Variants in CFAP299 observed in about 807,000 individuals in gnomAD.
CFAP299 encodes the protein cilia- and flagella-associated protein 299.
CFAP299 carries 21 observed loss-of-function variants against 27.0 expected under a neutral mutation model. The observed-to-expected ratio is 0.78, with a 90% CI of 0.55 to 1.12. The LOEUF (loss-of-function observed/expected upper bound fraction) is 1.12, where lower values mean the gene tolerates loss of function less well. CFAP299 is among the 50% of genes most tolerant of loss of function. CFAP299 has a pLI of 0.00. For synonymous variants in CFAP299, 104 were observed against 98.1 expected (o/e 1.06, Z -0.36); for missense variants, 310 against 276.6 (o/e 1.12, Z -0.86).
intron 3 of CFAP299, among the ~76,000 whole-genome samples, chr4:80,643,035 G>T (rs970777116): frequency 1.3e-5 from 2 of 151,992 alleles, no homozygotes; most frequent in Non-Finnish European, 2.9e-5. Flanking sequence ...GGTGACTGGC[G>T]CCTGTAATCC....
chr4:80,807,009 T>C (rs1200151247), intron 3 of CFAP299, among the ~76,000 whole-genome samples: 4 of 152,206 alleles, frequency 2.6e-5, no homozygotes, highest in Non-Finnish European at 5.9e-5. Context: ...TTTGGGCTTA[T>C]TCATGAACTG....
chr4:80,869,537 G>A (rs1473849444), intron 3 of CFAP299, among the ~76,000 whole-genome samples: 2 of 151,972 alleles, frequency 1.3e-5, no homozygotes, highest in Non-Finnish European at 2.9e-5. Flanking sequence ...CTTTGGAGAC[G>A]GAGTCTTGGT....
chr4:80,878,594 G>A (rs909488411), intron 4 of CFAP299, among the ~76,000 whole-genome samples: 38 of 151,890 alleles, frequency 2.5e-4, no homozygotes, highest in African/African-American at 8.5e-4. Flanking sequence ...TAACTTTTGT[G>A]TATTTATGTA....
At chr4:80,913,125 A>T (rs145133552) in intron 4 of CFAP299, among the ~76,000 whole-genome samples, 2 of 152,220 alleles carry the variant, frequency 1.3e-5, no homozygotes, top group Admixed American at 1.3e-4. Flanking sequence ...ATCTAAGGAC[A>T]TTACTGTCAG....
chr4:80,954,688 A>G (rs1294779880), intron 5 of CFAP299, among the ~76,000 whole-genome samples: 1 of 151,908 alleles, frequency 6.6e-6, no homozygotes, highest in Non-Finnish European at 1.5e-5. Context: ...TGCGGGGGGG[A>G]CAACTTATTT....
intron 3 of CFAP299, among the ~76,000 whole-genome samples, chr4:80,726,066 A>G (rs185705839): frequency 7.8e-4 from 119 of 152,262 alleles, no homozygotes; most frequent in African/African-American, 2.6e-3. Context: ...ATGGTCAACA[A>G]TCTATTTTAT....
At chr4:80,630,170 C>T (rs1739133799) in intron 3 of CFAP299, among the ~76,000 whole-genome samples, 1 of 152,116 alleles carries the variant, frequency 6.6e-6, no homozygotes, top group South Asian at 2.1e-4. Context: ...TTTGAACTGA[C>T]CTTCCAGAAG....
At chr4:80,732,782 A>G (rs1318463983) in intron 3 of CFAP299, among the ~76,000 whole-genome samples, 1 of 152,138 alleles carries the variant, frequency 6.6e-6, no homozygotes, top group Non-Finnish European at 1.5e-5. Flanking sequence ...ACTAGAAAAG[A>G]TTCTCTTATA....
At chr4:80,943,025 G>C (rs979753486) in intron 4 of CFAP299, among the ~76,000 whole-genome samples, 6 of 152,172 alleles carry the variant, frequency 3.9e-5, no homozygotes, top group African/African-American at 1.4e-4. Flanking sequence ...CCACTGGGGG[G>C]CTGAGCCTGT....
In CFAP299 at chr4:80,588,140, A is replaced by G. The variant is rs1736542199; in HGVS notation, c.333+4957A>G. Among the ~76,000 whole-genome samples the G allele has an allele frequency of 2.0e-5, 3 of 151,174 alleles. No individual in the cohort carries two copies. The South Asian group carries it at 6.2e-4, about 31-fold the overall frequency. On this transcript the variant is annotated intron_variant, in intron 3 of 5. Coordinates refer to ENST00000358105, the MANE Select transcript of CFAP299 (RefSeq NM_152770.3). ...CCTGCGGCAAGGTGAATTTGCTTGT[A>G]TACATTTCCTTCCCCATTCCTCTCT...
intron 3 of CFAP299, among the ~76,000 whole-genome samples, chr4:80,605,795 G>A (rs1026751742): frequency 3.3e-5 from 5 of 151,954 alleles, no homozygotes; most frequent in African/African-American, 1.2e-4. Context: ...ACCTGTATAT[G>A]CTTTAGTCAG....
At chr4:80,336,998 T>C (rs1722179532) in intron 1 of CFAP299, among the ~76,000 whole-genome samples, 1 of 152,230 alleles carries the variant, frequency 6.6e-6, no homozygotes, top group African/African-American at 2.4e-5. Context: ...AAAAGTGTTA[T>C]TCTTCAGTAC....
intron 2 of CFAP299, among the ~76,000 whole-genome samples, chr4:80,412,628 C>T (rs909701463): frequency 6.6e-5 from 10 of 152,218 alleles, no homozygotes; most frequent in East Asian, 5.8e-4. Flanking sequence ...TGGGCATAGA[C>T]AATGTGTAGT....
chr4:80,584,499 ATTTC>A (rs1410294863), intron 3 of CFAP299, among the ~76,000 whole-genome samples: 1 of 152,034 alleles, frequency 6.6e-6, no homozygotes, highest in Non-Finnish European at 1.5e-5. Context: ...ATAATTTCCA[ATTTC>A]TTTCCAGACT....
At chr4:80,782,647 TGAATATA>T (rs1726969510) in intron 3 of CFAP299, among the ~76,000 whole-genome samples, 2 of 118,342 alleles carry the variant, frequency 1.7e-5, no homozygotes, top group African/African-American at 6.7e-5. Context: ...TATACATATA[TGAATATA>T]TAATATATTC....
intron 3 of CFAP299, among the ~76,000 whole-genome samples, chr4:80,635,193 T>C (rs1232470460): frequency 2.0e-5 from 3 of 152,118 alleles, no homozygotes; most frequent in Non-Finnish European, 4.4e-5. Context: ...ACAGAAAATT[T>C]TCATTTATGA....
intron 3 of CFAP299, among the ~76,000 whole-genome samples, chr4:80,759,694 T>A (rs954657170): frequency 6.6e-6 from 1 of 152,230 alleles, no homozygotes; most frequent in African/African-American, 2.4e-5. Flanking sequence ...AGGCCAGGCT[T>A]TCTAGTAAAC....
chr4:80,348,917 G>A (rs1056591040), intron 1 of CFAP299, among the ~76,000 whole-genome samples: 1 of 152,154 alleles, frequency 6.6e-6, no homozygotes, highest in Non-Finnish European at 1.5e-5. Context: ...ACAGACATGA[G>A]TGCACATAAT....
Position 80,944,961 on chromosome 4 carries a change from G to A in CFAP299, c.606+22G>A, listed in dbSNP as rs539984599. On this transcript the variant is annotated intron_variant, in intron 5 of 5. Coordinates refer to ENST00000358105, the MANE Select transcript of CFAP299 (RefSeq NM_152770.3). The stretch of plus-strand genomic sequence containing the variant: ...AAAGGTAATTCTTCTTTTACACTTA[G>A]TTAGTTACCTCTTCACATGTTATTG... 6.2e-6 allele frequency: 10 copies of A among 1,600,210 alleles called. No homozygotes were observed. In the South Asian group the frequency reaches 1.0e-4, roughly 16 times the overall value.
Sources: allele counts gnomAD v4.1 joint callset (sites outside exome capture counted in the v4.1 genomes callset), GRCh38; gene constraint gnomAD v4.1.1; transcripts MANE v1.5; gene names NCBI Gene and HGNC (gene_info 2026-07-23, HGNC 2026-07-21).